The following ERCC2 variants were observed in gnomAD, a reference collection of about 807,000 sequenced individuals.
ERCC2 encodes ERCC excision repair 2, TFIIH core complex helicase subunit, also known as general transcription and DNA repair factor IIH helicase subunit XPD.
In ERCC2, 90 loss-of-function variants were observed where a neutral mutation model predicts 99.4. That is an observed-to-expected ratio of 0.91 (90% CI 0.76 to 1.08). The LOEUF (loss-of-function observed/expected upper bound fraction) is 1.08, where lower values mean the gene tolerates loss of function less well. Among genes scored for constraint, ERCC2 ranks in the 50% least tolerant of loss-of-function variants. The pLI is 0.00. For missense variants in ERCC2, 993 were observed against 1,038.1 expected (o/e 0.96, Z 0.60); for synonymous variants, 497 against 432.4 (o/e 1.15, Z -1.85).
intron 12 of ERCC2, among the ~76,000 whole-genome samples, chr19:45,359,565 T>A (rs1972137160): frequency 6.6e-6 from 1 of 152,168 alleles, no homozygotes. Context: ...TCTCGTAACC[T>A]GAAAATCTGA....
At chr19:45,352,931 G>T in intron 19 of ERCC2, 115 bp from the exon 20 acceptor site, 3 of 1,234,414 alleles carry the variant, frequency 2.4e-6, no homozygotes, top group Non-Finnish European at 3.5e-6. Flanking sequence ...GTGTGTTCCC[G>T]CCGGGTGCCT....
chr19:45,361,498 G>C (rs773869029), intron 12 of ERCC2, 26 bp downstream of exon 12: 3 of 1,534,182 alleles, frequency 2.0e-6, no homozygotes, highest in Non-Finnish European at 2.7e-6. Flanking sequence ...AGGAGGCCCA[G>C]CAGGGACAGA....
intron 2 of ERCC2, 60 bp downstream of exon 2, chr19:45,370,073 A>T: frequency 6.6e-7 from 1 of 1,523,210 alleles, no homozygotes; most frequent in Non-Finnish European, 9.1e-7. Context: ...AATCTGTCTT[A>T]GGCCCAGGCG....
chr19:45,350,708 T>C lies in ERCC2; in HGVS notation c.*921A>G. On this transcript the variant is annotated 3_prime_UTR_variant, in exon 23 of 23. Coordinates refer to ENST00000391945, the MANE Select transcript of ERCC2 (RefSeq NM_000400.4). ...ATCAGGCGAGGAAGTGAGAAGCTGG[T>C]CTCCCGGCTCCGAGGCGAGGCGGCG... 2 of 1,613,478 alleles carry C rather than the reference T, an allele frequency of 1.2e-6. No individual in the cohort carries two copies. Among genetic ancestry groups the C allele is most frequent in the African/African-American group, 1.3e-5 (1 of 74,956 alleles).
At chr19:45,352,153 T>G (rs1306691467) in intron 22 of ERCC2, 56 bp downstream of exon 22, 1 of 1,599,160 alleles carries the variant, frequency 6.3e-7, no homozygotes, top group Non-Finnish European at 8.5e-7. Context: ...CCAAGGGGAC[T>G]TTCTGGAGGA....
At chr19:45,356,164 C>T (rs1351002935) in intron 15 of ERCC2, among the ~76,000 whole-genome samples, 3 of 152,196 alleles carry the variant, frequency 2.0e-5, no homozygotes, top group African/African-American at 7.2e-5. Flanking sequence ...CTGGGCCAGC[C>T]GGATCCCGAA....
At position 45,357,736 on chromosome 19, in the gene ERCC2, A is replaced by G. The variant is rs938321350; in HGVS notation, c.1238-37T>C. 2.6e-6 allele frequency: 4 copies of G among 1,559,922 alleles called. No homozygotes were observed. The South Asian group carries it at 4.4e-5, about 17-fold the overall frequency. ...AGGCAAGGAGGGGTGAGATTACCCC[A>G]CTACAGCCACAGCTGCACCCACTCA... On this transcript the variant is annotated intron_variant, in intron 12 of 22. Transcript: ENST00000391945.
In ERCC2 at chr19:45,363,904, C is replaced by G. The variant is rs371612479; in HGVS notation, c.957G>C (p.Val319=). The G allele has an allele frequency of 2.6e-6, 4 of 1,545,654 alleles. No homozygotes were observed. The highest frequency in any genetic ancestry group is 3.5e-6 in the Non-Finnish European group (4 of 1,152,282). The change falls in exon 11 of 23, where the codon GTG becomes GTC. Residue 319 remains valine (V), a synonymous_variant. Transcript: ENST00000391945. ...VLPDEVLQEA[V]PGSIRTAEHF... is the part of the protein sequence containing the mutation. ...GCTCGGCCGTGCGGATGGAGCCAGG[C>G]ACTGCCTCTGCGAGGAGACGCTATC... is the stretch of plus-strand genomic sequence containing the variant.
intron 22 of ERCC2, among the ~76,000 whole-genome samples, 198 bp downstream of exon 22, chr19:45,352,002 CCGTGCCTGG>C (rs1363464121): frequency 6.6e-6 from 1 of 152,224 alleles, no homozygotes; most frequent in African/African-American, 2.4e-5. Context: ...TCTCACCCTG[CCGTGCCTGG>C]GCCACCTGCT....
At position 45,368,598 on chromosome 19, in the gene ERCC2, G is replaced by A. The variant is rs758393585; in HGVS notation, c.360+32C>T. 9 of 1,438,336 alleles carry A rather than the reference G, an allele frequency of 6.3e-6. No homozygotes were observed. In the South Asian group the frequency reaches 1.0e-4, roughly 16 times the overall value. 89.1% of individuals were successfully genotyped at this position (1,438,336 alleles called of 1,614,324 possible). A position where few individuals can be genotyped will look rare whatever the true frequency, so the allele number is the denominator to read the frequency against. ...ACGAAAGAGTTTTCTCTACCTCTGG[G>A]CTAAGGGCAAGGAGAAGGAACAGGT... On this transcript the variant is annotated intron_variant, in intron 5 of 22. Coordinates refer to ENST00000391945, the MANE Select transcript of ERCC2 (RefSeq NM_000400.4).
At chr19:45,357,141 T>C (rs1018788044) in intron 15 of ERCC2, 129 bp downstream of exon 15, 32 of 671,302 alleles carry the variant, frequency 4.8e-5, no homozygotes, top group Non-Finnish European at 4.0e-5. Context: ...CCTAAGTCTG[T>C]CTGAATCCCG....
At chr19:45,365,210 C>T in intron 5 of ERCC2, 52 bp from the exon 6 acceptor site, 3 of 1,428,534 alleles carry the variant, frequency 2.1e-6, no homozygotes, top group Middle Eastern at 3.5e-4. Context: ...CCCAACCACT[C>T]TTCAAACCCT....
At position 45,364,246 on chromosome 19, in the gene ERCC2, C is replaced by T. The variant is rs1297960729; in HGVS notation, c.804G>A (p.Lys268=). The T allele has an allele frequency of 1.9e-6, 3 of 1,613,800 alleles. No homozygotes were observed. Among genetic ancestry groups the T allele is most frequent in the South Asian group, 2.2e-5 (2 of 91,084 alleles). The change falls in exon 9 of 23, where the codon AAG becomes AAA. Residue 268 remains lysine (K), a synonymous_variant. Transcript: ENST00000391945. The stretch of plus-strand genomic sequence containing the variant: ...GTCCCCGGCCCCACCTGAGCACCGT[C>T]TTCTGCAGGGTCTCCAGGTTGCCCT... ...RCQGNLETLQ[K]TVLRIKETDE... is the part of the protein sequence containing the mutation.
intron 15 of ERCC2, 23 bp from the exon 16 acceptor site, chr19:45,355,751 A>G (rs1456105856): frequency 1.9e-6 from 3 of 1,610,986 alleles, no homozygotes; most frequent in African/African-American, 1.3e-5. Flanking sequence ...AGAGGTCACG[A>G]TAAGCGAGGC....
At position 45,368,556 on chromosome 19, in the gene ERCC2, C is replaced by G. The variant is rs1437585936; in HGVS notation, c.360+74G>C. On this transcript the variant is annotated intron_variant, in intron 5 of 22. Coordinates refer to ENST00000391945, the MANE Select transcript of ERCC2 (RefSeq NM_000400.4). Reference sequence around the variant, plus strand: ...TTTGCAAGAGATATGGCCTGGGGATCCAGGACTTGTGGTTGGACGAAAGAG... The same window carrying G: ...TTTGCAAGAGATATGGCCTGGGGATGCAGGACTTGTGGTTGGACGAAAGAG... 4.1e-6 allele frequency: 4 copies of G among 972,920 alleles called. No homozygotes were observed. In the African/African-American group the frequency reaches 6.4e-5, roughly 16 times the overall value. 60.3% of individuals were successfully genotyped at this position (972,920 alleles called of 1,614,324 possible). A position where few individuals can be genotyped will look rare whatever the true frequency, so the allele number is the denominator to read the frequency against.
At position 45,370,157 on chromosome 19, in the gene ERCC2, C is replaced by A; in HGVS notation, c.81G>T (p.Glu27Asp). The change falls in exon 2 of 23, where the codon GAG becomes GAT. Residue 27 changes from glutamate (E) to aspartate (D), a missense_variant. This residue lies in a region of ERCC2 where 55 missense variants were observed against 45.1 expected (regional missense o/e 1.22). Coordinates refer to ENST00000391945, the MANE Select transcript of ERCC2 (RefSeq NM_000400.4). ...IYPEQFSYMR[E>D]LKRTLDAKGH... ...CCTTGGCGTCCAGCGTGCGTTTGAG[C>A]TCCCGCATGTAGGAGAACTGCTCGG... is the stretch of plus-strand genomic sequence containing the variant. The A allele has an allele frequency of 6.2e-7, 1 of 1,613,296 alleles. No homozygotes were observed. The highest frequency in any genetic ancestry group is 2.2e-5 in the East Asian group (1 of 44,838).
In ERCC2 at chr19:45,351,129, G is replaced by A; in HGVS notation, c.*500C>T. On this transcript the variant is annotated 3_prime_UTR_variant, in exon 23 of 23. Transcript: ENST00000391945. ...TGGAGTCAGCAGGTGGTGGGTTGGTGTCAGAAGAGACCCAGGACAGGAGCA... is the reference window on the plus strand; with the variant it reads ...TGGAGTCAGCAGGTGGTGGGTTGGTATCAGAAGAGACCCAGGACAGGAGCA... The A allele has an allele frequency of 1.2e-6, 2 of 1,603,882 alleles. No individual in the cohort carries two copies.
chr19:45,358,918 T>G (rs773003021), intron 12 of ERCC2: 5 of 771,338 alleles, frequency 6.5e-6, no homozygotes, highest in Non-Finnish European at 1.2e-5. Flanking sequence ...CTGGCCTGTT[T>G]GTTGAAGAAA....
Position 45,354,820 on chromosome 19 carries a change from C to T in ERCC2, c.1575G>A (p.Leu525=), listed in dbSNP as rs1971957205. 1.9e-6 allele frequency: 3 copies of T among 1,614,130 alleles called. No individual in the cohort carries two copies. The highest frequency in any genetic ancestry group is 1.7e-6 in the Non-Finnish European group (2 of 1,179,990). The change falls in exon 17 of 23, where the codon CTG becomes CTA. Residue 525 remains leucine (L), a synonymous_variant. Transcript: ENST00000391945. The part of the protein sequence containing the change: ...AVIRNYGNLL[L]EMSAVVPDGI... The stretch of plus-strand genomic sequence containing the variant: ...CATCAGGGACCACAGCGGACATCTC[C>T]AGCAGGAGGTTCCCATAGTTCCGGA...
Sources: allele counts gnomAD v4.1 joint callset (sites outside exome capture counted in the v4.1 genomes callset), GRCh38; gene constraint gnomAD v4.1.1; regional missense constraint gnomAD v4.1.1; transcripts MANE v1.5; gene names NCBI Gene and HGNC (gene_info 2026-07-23, HGNC 2026-07-21).